GRM3: variants seen among roughly 807,000 people sequenced by gnomAD.
The protein encoded by GRM3 is glutamate metabotropic receptor 3.
In GRM3, 26 loss-of-function variants were observed where a neutral mutation model predicts 70.5. That is an observed-to-expected ratio of 0.37 (90% CI 0.27 to 0.51). The LOEUF is 0.51. GRM3 is among the 20% of genes least tolerant of loss of function. The probability of loss-of-function intolerance (pLI) is 0.93; values close to 1 mark genes in which losing one functional copy is unlikely to be tolerated. For missense variants in GRM3, 859 were observed against 1,123.8 expected, an observed-to-expected ratio of 0.76 and a Z score of 3.37; for synonymous variants, 443 against 434.9, an observed-to-expected ratio of 1.02 and a Z score of -0.23.
At chr7:86,814,809 A>G (rs1323083186) in intron 3 of GRM3, among the ~76,000 whole-genome samples, 1 of 151,012 alleles carries the variant, frequency 6.6e-6, no homozygotes, top group African/African-American at 2.4e-5. Context: ...TAGGCTTGCC[A>G]CTTTCAGCGC....
rs555040222 is a variant in GRM3 at position 86,788,154 on chromosome 7, C to T, written c.1324+1038C>T. ...TCCAATCTGCACAATGTCTAGTCTG[C>T]TTCCACAGAAGTATCATCCAAGACC... On this transcript the variant is annotated intron_variant, in intron 3 of 5. Transcript: ENST00000361669. Among the ~76,000 whole-genome samples, 61 of 152,334 alleles carry T rather than the reference C, an allele frequency of 4.0e-4. No individual in the cohort carries two copies. In the Middle Eastern group the frequency reaches 0.01, roughly 25 times the overall value.
In GRM3 at chr7:86,786,825, A is replaced by C. The variant is rs756450196; in HGVS notation, c.1033A>C (p.Asn345His). 6.2e-7 allele frequency: 1 copy of C among 1,614,068 alleles called. No homozygotes were observed. The highest frequency in any genetic ancestry group is 8.5e-7 in the Non-Finnish European group (1 of 1,179,988). The change falls in exon 3 of 6, where the codon AAC becomes CAC. Residue 345 changes from asparagine (N) to histidine (H), a missense_variant. Physicochemically the swap from Asn to His is moderately conservative, Grantham distance 68. Coordinates refer to ENST00000361669, the MANE Select transcript of GRM3 (RefSeq NM_000840.3). This position sits in a 1 kb window ranked among gnomAD's most constrained non-coding sequence, Gnocchi z 6.0. ...CTTCCAGAGCCTCAACCCCTACAAC[A>C]ACCACCGCAACCCCTGGTTCCGGGA... ...RYFQSLNPYN[N>H]HRNPWFRDFW...
chr7:86,645,507 C>A (rs933639213), intron 1 of GRM3, among the ~76,000 whole-genome samples: 6 of 152,176 alleles, frequency 3.9e-5, no homozygotes, highest in Admixed American at 1.3e-4. Flanking sequence ...ATTTTCTTAT[C>A]TGACAGTGAG....
At chr7:86,828,195 T>C (rs951787035) in intron 3 of GRM3, among the ~76,000 whole-genome samples, 4 of 151,222 alleles carry the variant, frequency 2.6e-5, no homozygotes, top group African/African-American at 7.3e-5. Flanking sequence ...AGACATTTGA[T>C]TGACTTATGA....
intron 4 of GRM3, among the ~76,000 whole-genome samples, chr7:86,841,916 A>C (rs1741951081): frequency 6.6e-6 from 1 of 152,170 alleles, no homozygotes; most frequent in African/African-American, 2.4e-5. Context: ...TGTGGAATAG[A>C]GTTTTTTAAG....
chr7:86,697,224 G>A (rs564577680), intron 1 of GRM3, among the ~76,000 whole-genome samples: 18 of 151,484 alleles, frequency 1.2e-4, no homozygotes, highest in African/African-American at 4.4e-4. Flanking sequence ...CAGGGGCTTT[G>A]AAAGTTGAGA....
intron 1 of GRM3, among the ~76,000 whole-genome samples, chr7:86,698,674 T>C (rs1273234731): frequency 6.6e-6 from 1 of 151,484 alleles, no homozygotes; most frequent in Non-Finnish European, 1.5e-5. Flanking sequence ...ATTTAAAAAC[T>C]GGAAAAAGTG....
At chr7:86,781,633 C>T (rs1370731712) in intron 2 of GRM3, among the ~76,000 whole-genome samples, 2 of 152,094 alleles carry the variant, frequency 1.3e-5, no homozygotes, top group East Asian at 1.9e-4. Flanking sequence ...TGAAAAGTCA[C>T]TTCACCCTGT....
chr7:86,773,969 G>A (rs1796813516), intron 2 of GRM3, among the ~76,000 whole-genome samples: 1 of 152,072 alleles, frequency 6.6e-6, no homozygotes, highest in African/African-American at 2.4e-5. Flanking sequence ...CTGCAGGTCA[G>A]GTGTCTATGA....
intron 1 of GRM3, among the ~76,000 whole-genome samples, chr7:86,728,562 C>A (rs1795646188): frequency 6.6e-6 from 1 of 152,202 alleles, no homozygotes; most frequent in Non-Finnish European, 1.5e-5. Flanking sequence ...CATTTGAAAT[C>A]TTCCAAAGTC....
intron 1 of GRM3, among the ~76,000 whole-genome samples, chr7:86,685,698 A>C (rs886125513): frequency 6.6e-6 from 1 of 152,136 alleles, no homozygotes. Context: ...CAAGATCAGG[A>C]GAAAGAGACC....
intron 1 of GRM3, among the ~76,000 whole-genome samples, chr7:86,683,639 G>C (rs546864568): frequency 1.3e-5 from 2 of 152,174 alleles, no homozygotes; most frequent in Non-Finnish European, 2.9e-5. Flanking sequence ...CAAGGGAAAT[G>C]AGATCTTGAA....
intron 1 of GRM3, among the ~76,000 whole-genome samples, chr7:86,760,987 A>G (rs1235289260): frequency 6.6e-6 from 1 of 152,132 alleles, no homozygotes; most frequent in African/African-American, 2.4e-5. Context: ...GCACTTAACA[A>G]TTATCATGTT....
intron 1 of GRM3, among the ~76,000 whole-genome samples, chr7:86,729,718 C>T (rs905159982): frequency 7.9e-5 from 12 of 152,156 alleles, no homozygotes; most frequent in African/African-American, 2.9e-4. Flanking sequence ...TTACAAATCA[C>T]ACAGAAAAAA....
intron 5 of GRM3, among the ~76,000 whole-genome samples, chr7:86,861,286 G>A (rs528613019): frequency 1.3e-5 from 2 of 152,192 alleles, no homozygotes; most frequent in African/African-American, 4.8e-5. Context: ...CTGATTCTTT[G>A]AAATGCAAAC....
At chr7:86,660,043 A>C (rs1793853765) in intron 1 of GRM3, among the ~76,000 whole-genome samples, 1 of 152,110 alleles carries the variant, frequency 6.6e-6, no homozygotes, top group Non-Finnish European at 1.5e-5. Flanking sequence ...TTACCTGTCC[A>C]TCTAGCTATC....
At chr7:86,828,282 T>A (rs1447761309) in intron 3 of GRM3, among the ~76,000 whole-genome samples, 1 of 152,034 alleles carries the variant, frequency 6.6e-6, no homozygotes, top group Non-Finnish European at 1.5e-5. Context: ...ACCGGTACAT[T>A]TTCACTCAAA....
intron 1 of GRM3, among the ~76,000 whole-genome samples, chr7:86,679,152 G>T (rs1388569994): frequency 6.6e-6 from 1 of 151,934 alleles, no homozygotes; most frequent in East Asian, 1.9e-4. Flanking sequence ...TCTCTTGTCT[G>T]ACCATCTTAT....
intron 1 of GRM3, among the ~76,000 whole-genome samples, chr7:86,695,549 G>T (rs1794796429): frequency 6.6e-6 from 1 of 152,164 alleles, no homozygotes; most frequent in African/African-American, 2.4e-5. Flanking sequence ...GGACGGGAAA[G>T]CTGAGCTTTT....
Sources: gnomAD v4.1 joint callset for allele counts (sites outside exome capture counted in the v4.1 genomes callset) on GRCh38, gnomAD v4.1.1 for gene constraint, Gnocchi (gnomAD v3.1) non-coding constraint, MANE v1.5 for transcripts, NCBI Gene and HGNC (gene_info 2026-07-23, HGNC 2026-07-21) for gene names.